The following ARID5B variants were observed in gnomAD, a reference collection of about 807,000 sequenced individuals.
ARID5B encodes the protein AT-rich interaction domain 5B, also known as AT-rich interactive domain-containing protein 5B.
In ARID5B, 13 loss-of-function variants were observed where a neutral mutation model predicts 97.2. The ratio of observed to expected loss-of-function variants is 0.13; its 90% confidence interval spans 0.09 to 0.21. The LOEUF is 0.21. ARID5B is among the 10% of genes least tolerant of loss of function. ARID5B has a pLI of 1.00. For synonymous variants in ARID5B, 556 were observed against 570.3 expected (o/e 0.97, Z 0.36); for missense variants, 1,210 against 1,465.3 (o/e 0.83, Z 2.84).
chr10:62,081,266 A>T (rs185289630), intron 8 of ARID5B, among the ~76,000 whole-genome samples: 1 of 152,398 alleles, frequency 6.6e-6, no homozygotes, highest in East Asian at 1.9e-4. Context: ...GGATTCAAAT[A>T]CAACCCTAAA....
chr10:61,991,379 A>AG (rs1261036114), intron 3 of ARID5B, among the ~76,000 whole-genome samples: 8 of 152,048 alleles, frequency 5.3e-5, no homozygotes, highest in Non-Finnish European at 1.0e-4. Context: ...TTTCATTTTT[A>AG]TAATAGTCAT....
intron 2 of ARID5B, among the ~76,000 whole-genome samples, chr10:61,934,042 A>G (rs1844256749): frequency 6.6e-6 from 1 of 152,196 alleles, no homozygotes; most frequent in Admixed American, 6.5e-5. Context: ...TCTTCTGGTA[A>G]ACTTGCTGCA....
chr10:61,923,070 A>T (rs1440337845), intron 2 of ARID5B, among the ~76,000 whole-genome samples: 1 of 152,182 alleles, frequency 6.6e-6, no homozygotes, highest in Non-Finnish European at 1.5e-5. Context: ...GTGGGAACTT[A>T]AAGAAAAGGG....
intron 3 of ARID5B, among the ~76,000 whole-genome samples, chr10:61,981,025 A>G (rs1467362096): frequency 6.6e-6 from 1 of 152,206 alleles, no homozygotes; most frequent in Non-Finnish European, 1.5e-5. Context: ...AGCAGTGGCT[A>G]TGACTGTGGG....
chr10:61,932,421 T>C (rs1844227164), intron 2 of ARID5B, among the ~76,000 whole-genome samples: 1 of 150,788 alleles, frequency 6.6e-6, no homozygotes, highest in African/African-American at 2.4e-5. Context: ...TTCTTTTTTT[T>C]TTTTTTTGAG....
chr10:62,075,540 T>C (rs1487680663), intron 8 of ARID5B, among the ~76,000 whole-genome samples: 5 of 152,240 alleles, frequency 3.3e-5, no homozygotes, highest in Non-Finnish European at 7.3e-5. Context: ...TGGCTTCCCA[T>C]TGACCTTGCC....
chr10:62,006,544 C>A (rs1029200910), intron 4 of ARID5B, among the ~76,000 whole-genome samples: 1 of 152,294 alleles, frequency 6.6e-6, no homozygotes, highest in South Asian at 2.1e-4. Flanking sequence ...ACAAGGAGAA[C>A]CTTAAGGTCA....
intron 3 of ARID5B, among the ~76,000 whole-genome samples, chr10:61,958,663 A>C (rs1838427184): frequency 6.6e-6 from 1 of 152,214 alleles, no homozygotes; most frequent in South Asian, 2.1e-4. Context: ...GCTCTGACTT[A>C]GATTTTCTTT....
intron 8 of ARID5B, among the ~76,000 whole-genome samples, chr10:62,083,953 A>T (rs1301858794): frequency 6.6e-6 from 1 of 152,180 alleles, no homozygotes; most frequent in African/African-American, 2.4e-5. Flanking sequence ...TTATTATATA[A>T]ACATTAACTG....
intron 4 of ARID5B, among the ~76,000 whole-genome samples, chr10:62,010,802 A>C (rs1839206998): frequency 6.6e-6 from 1 of 152,226 alleles, no homozygotes; most frequent in Non-Finnish European, 1.5e-5. Context: ...GCCTGTATCC[A>C]GAGGTCACTA....
intron 8 of ARID5B, among the ~76,000 whole-genome samples, chr10:62,071,678 T>C (rs1174516989): frequency 6.6e-6 from 1 of 152,160 alleles, no homozygotes; most frequent in African/African-American, 2.4e-5. Context: ...TGTGTACTTT[T>C]GATTATTTAC....
chr10:62,064,660 A>G (rs1839962931), intron 7 of ARID5B, among the ~76,000 whole-genome samples: 1 of 152,056 alleles, frequency 6.6e-6, no homozygotes, highest in Non-Finnish European at 1.5e-5. Flanking sequence ...TCCACTCACC[A>G]GACCAGTCTT....
At chr10:61,995,644 A>G (rs974003510) in intron 3 of ARID5B, among the ~76,000 whole-genome samples, 4 of 142,154 alleles carry the variant, frequency 2.8e-5, no homozygotes, top group Admixed American at 6.9e-5. Flanking sequence ...TGTCTTGAGG[A>G]AAAAAAAAAA....
chr10:61,962,411 T>C (rs150986981), intron 3 of ARID5B, among the ~76,000 whole-genome samples: 26 of 152,368 alleles, frequency 1.7e-4, no homozygotes, highest in Non-Finnish European at 1.5e-5. Flanking sequence ...TCATCATCCA[T>C]ACTCCTCTCC....
At chr10:61,990,296 G>A (rs1838906098) in intron 3 of ARID5B, among the ~76,000 whole-genome samples, 1 of 152,192 alleles carries the variant, frequency 6.6e-6, no homozygotes, top group Admixed American at 6.5e-5. Context: ...AGAGCATGGT[G>A]GACAAACTCC....
intron 3 of ARID5B, 143 bp from the exon 4 acceptor site, chr10:61,999,948 G>A: frequency 1.3e-6 from 1 of 796,492 alleles, no homozygotes; most frequent in East Asian, 2.7e-5. Context: ...GGGGCTGGGA[G>A]GATGCTGGCA....
chr10:62,030,419 C>T (rs1231964988), intron 4 of ARID5B, among the ~76,000 whole-genome samples: 2 of 152,174 alleles, frequency 1.3e-5, no homozygotes, highest in Non-Finnish European at 2.9e-5. Flanking sequence ...GCGTGAGCCA[C>T]CACGCCCGGC....
In ARID5B at chr10:62,092,081, A is replaced by G. The variant is rs1269983870; in HGVS notation, c.2618A>G (p.His873Arg). Residue 873 changes from histidine (H) to arginine (R), a missense_variant, in exon 10 of 10, where the codon CAC becomes CGC. Physicochemically the swap from His to Arg is conservative, Grantham distance 29. Coordinates refer to ENST00000279873, the MANE Select transcript of ARID5B (RefSeq NM_032199.3). ...TCGGAAAACAGTTCTTTTCCTTCCC[A>G]CAGACACCAAGAAAAGCTCCATGTA... The part of the protein sequence containing the change: ...RESENSSFPS[H>R]RHQEKLHVNY... The G allele has an allele frequency of 6.2e-7, 1 of 1,613,724 alleles. No homozygotes were observed. The highest frequency in any genetic ancestry group is 2.2e-5 in the East Asian group (1 of 44,876).
chr10:61,944,230 T>TG (rs2132802280), intron 3 of ARID5B, among the ~76,000 whole-genome samples: 1 of 152,294 alleles, frequency 6.6e-6, no homozygotes, highest in East Asian at 1.9e-4. Context: ...GGTTAAGGAA[T>TG]GTATTATTCA....
Sources: allele counts gnomAD v4.1 joint callset (sites outside exome capture counted in the v4.1 genomes callset), GRCh38; gene constraint gnomAD v4.1.1; transcripts MANE v1.5; gene names NCBI Gene and HGNC (gene_info 2026-07-23, HGNC 2026-07-21).